The following EFCAB8 variants were observed in gnomAD, a reference collection of about 807,000 sequenced individuals.
EFCAB8 encodes EF-hand calcium binding domain 8, also known as EF-hand calcium-binding domain-containing protein 8.
EFCAB8 carries 100 observed loss-of-function variants against 116.3 expected under a neutral mutation model. That is an observed-to-expected ratio of 0.86 (90% confidence interval 0.73 to 1.02). The LOEUF (loss-of-function observed/expected upper bound fraction) is 1.02. EFCAB8 is among the 50% of genes least tolerant of loss of function. The pLI is 0.00. For synonymous variants in EFCAB8, 558 were observed against 567.9 expected (o/e 0.98, Z 0.25); for missense variants, 1,320 against 1,416.9 (o/e 0.93, Z 1.10).
intron 20 of EFCAB8, among the ~76,000 whole-genome samples, chr20:32,922,706 G>A (rs750508861): frequency 6.6e-6 from 1 of 152,148 alleles, no homozygotes; most frequent in Non-Finnish European, 1.5e-5. Flanking sequence ...TGAAGGAAGC[G>A]AGGAAACATG....
At position 32,918,531 on chromosome 20, in the gene EFCAB8, G is replaced by A. The variant is rs370655009; in HGVS notation, c.2231G>A (p.Arg744Gln). ...RSLVSAPPVM[R>Q]CPRDKEPDRP... ...CTGGTGTCGGCTCCCCCAGTGATGC[G>A]GTGCCCGAGAGACAAGGAGCCAGAC... is the stretch of plus-strand genomic sequence containing the variant. The change falls in exon 19 of 27, where the codon CGG becomes CAG. Residue 744 changes from arginine (R) to glutamine (Q), a missense_variant. Physicochemically the swap from Arg to Gln is conservative, Grantham distance 43. Coordinates refer to ENST00000400522, the MANE Select transcript of EFCAB8 (RefSeq NM_001143967.2). 3 of 1,551,672 alleles carry A rather than the reference G, an allele frequency of 1.9e-6. No individual in the cohort carries two copies. Among genetic ancestry groups the A allele is most frequent in the Admixed American group, 2.0e-5 (1 of 50,996 alleles).
At chr20:32,939,165 TTCTTTC>T (rs1387586340) in intron 22 of EFCAB8, among the ~76,000 whole-genome samples, 1 of 99,500 alleles carries the variant, frequency 1.0e-5, no homozygotes, top group African/African-American at 4.0e-5. Flanking sequence ...CTTTCTTTCT[TTCTTTC>T]TTTCTTTCTT....
chr20:32,925,544 G>T (rs1442670757), intron 20 of EFCAB8, among the ~76,000 whole-genome samples: 1 of 152,174 alleles, frequency 6.6e-6, no homozygotes, highest in Non-Finnish European at 1.5e-5. Flanking sequence ...GTGGAGACGG[G>T]GTTTTGCCAT....
At chr20:32,885,111 G>C (rs1985542507) in intron 5 of EFCAB8, among the ~76,000 whole-genome samples, 1 of 148,538 alleles carries the variant, frequency 6.7e-6, no homozygotes, top group Admixed American at 6.8e-5. Flanking sequence ...TCAGTTTTCA[G>C]CCTCAGGCTC....
At chr20:32,902,433 C>G (rs1385181791) in intron 11 of EFCAB8, among the ~76,000 whole-genome samples, 1 of 152,042 alleles carries the variant, frequency 6.6e-6, no homozygotes, top group East Asian at 1.9e-4. Flanking sequence ...GAGCAAGACC[C>G]TGTCTTCAAA....
intron 24 of EFCAB8, among the ~76,000 whole-genome samples, 164 bp downstream of exon 24, chr20:32,958,714 A>G (rs577882873): frequency 2.6e-4 from 39 of 152,292 alleles, no homozygotes; most frequent in African/African-American, 7.5e-4. Context: ...GCTCTACTCC[A>G]CAGTGGCAGC....
chr20:32,919,224 T>C (rs1416237336), intron 19 of EFCAB8, among the ~76,000 whole-genome samples: 1 of 152,180 alleles, frequency 6.6e-6, no homozygotes, highest in African/African-American at 2.4e-5. Flanking sequence ...GAGGAACCAG[T>C]GAGATTGTTC....
At position 32,889,306 on chromosome 20, in the gene EFCAB8, CCAGACCCAG is replaced by C; in HGVS notation, c.577_585del (p.Thr193_Gln195del). ...TCTGCTCTTCCTCTGGCCAGCTTAACCAGACCCAGCAGCTCTACAACCAGCCGATGTGGG... is the reference window on the plus strand; with the variant it reads ...TCTGCTCTTCCTCTGGCCAGCTTAACCAGCTCTACAACCAGCCGATGTGGG... On this transcript the variant is annotated inframe_deletion, in exon 7 of 27. Transcript: ENST00000400522. The C allele has an allele frequency of 6.4e-7, 1 of 1,551,648 alleles. No homozygotes were observed. The highest frequency in any genetic ancestry group is 8.7e-7 in the Non-Finnish European group (1 of 1,146,992).
At chr20:32,952,836 G>A (rs1477714296) in intron 23 of EFCAB8, among the ~76,000 whole-genome samples, 1 of 152,102 alleles carries the variant, frequency 6.6e-6, no homozygotes. Flanking sequence ...AAAATATATA[G>A]CATAAAACTT....
intron 1 of EFCAB8, among the ~76,000 whole-genome samples, chr20:32,863,075 T>A (rs922245493): frequency 6.6e-6 from 1 of 151,996 alleles, no homozygotes; most frequent in Non-Finnish European, 1.5e-5. Flanking sequence ...ACCCTTCAGA[T>A]CAAGCCAAGC....
chr20:32,883,545 G>A (rs1243944865), intron 5 of EFCAB8, among the ~76,000 whole-genome samples: 1 of 152,118 alleles, frequency 6.6e-6, no homozygotes, highest in African/African-American at 2.4e-5. Flanking sequence ...CAGTAGGAAG[G>A]GGAGACATTC....
At chr20:32,940,031 T>TCCTTCCTTCCTA (rs1988352464) in intron 22 of EFCAB8, among the ~76,000 whole-genome samples, 1 of 25,818 alleles carries the variant, frequency 3.9e-5, no homozygotes, top group South Asian at 1.1e-3. Flanking sequence ...CTCCCTTCCT[T>TCCTTCCTTCCTA]CCTTCCTTCC....
In EFCAB8 at chr20:32,863,823, C is replaced by T; in HGVS notation, c.31C>T (p.Gln11Ter). The change falls in exon 2 of 27, where the codon CAA (glutamine) becomes TAA (stop). Residue 11 changes from glutamine (Q) to a stop codon, truncating the protein, a stop_gained. Coordinates refer to ENST00000400522, the MANE Select transcript of EFCAB8 (RefSeq NM_001143967.2). LOFTEE classifies it high-confidence loss of function. MSSEDLAEIP[Q>*]LQKLSIPHGF... ...TTCTGAAGACTTAGCAGAGATCCCT[C>T]AACTCCAAAAGGTAAGAAAGACAAT... 1 of 1,551,404 alleles carries T rather than the reference C, an allele frequency of 6.4e-7. No homozygotes were observed. Among genetic ancestry groups the T allele is most frequent in the Non-Finnish European group, 8.7e-7 (1 of 1,146,858 alleles).
chr20:32,936,030 A>ATTTTTAT (rs1209602221), intron 22 of EFCAB8, among the ~76,000 whole-genome samples: 2 of 151,148 alleles, frequency 1.3e-5, no homozygotes, highest in African/African-American at 4.9e-5. Context: ...TTTTATTTTT[A>ATTTTTAT]TTTTTATTTT....
intron 16 of EFCAB8, among the ~76,000 whole-genome samples, chr20:32,912,371 G>A (rs1986971213): frequency 6.6e-6 from 1 of 150,910 alleles, no homozygotes; most frequent in Non-Finnish European, 1.5e-5. Context: ...GGTGGAGGCT[G>A]CAGTGAGCCG....
chr20:32,878,902 C>G, intron 5 of EFCAB8, 95 bp downstream of exon 5: 1 of 1,075,876 alleles, frequency 9.3e-7, no homozygotes, highest in African/African-American at 1.6e-5. Flanking sequence ...CGTGACCTTG[C>G]TGGTGCTGAC....
rs779654750 is a variant in EFCAB8 at position 32,939,125 on chromosome 20, C to CCCTTTCTTTCTTTCTTTCTT, written c.2791-4511_2791-4510insCCTTTCTTTCTTTCTTTCTT. 2.9e-3 allele frequency among the ~76,000 whole-genome samples: 166 copies of CCCTTTCTTTCTTTCTTTCTT among 56,568 alleles called. 27 individuals are homozygous for CCCTTTCTTTCTTTCTTTCTT. The highest frequency in any genetic ancestry group is 4.5e-3 in the Non-Finnish European group (125 of 27,772). The allele number at this position is 56,568 out of a possible 152,430, so 37.1% of individuals were successfully genotyped here. On this transcript the variant is annotated intron_variant, in intron 22 of 26. Transcript: ENST00000400522. Reference sequence around the variant, plus strand: ...CCTTCCTTTCTTTCTCTCTTTCTTTCTCTTTCTTTCTTTCTTTCTTTCTTT... The same window carrying CCCTTTCTTTCTTTCTTTCTT: ...CCTTCCTTTCTTTCTCTCTTTCTTTCCCTTTCTTTCTTTCTTTCTTTCTTTCTTTCTTTCTTTCTTTCTTT...
chr20:32,877,191 T>TTTTA (rs1568902965), intron 4 of EFCAB8, among the ~76,000 whole-genome samples: 26 of 146,996 alleles, frequency 1.8e-4, no homozygotes, highest in African/African-American at 3.7e-4. Context: ...ATTTTCTTGT[T>TTTTA]TTTATTTATT....
At chr20:32,934,131 A>T (rs1988015990) in intron 22 of EFCAB8, among the ~76,000 whole-genome samples, 1 of 151,688 alleles carries the variant, frequency 6.6e-6, no homozygotes, top group Non-Finnish European at 1.5e-5. Flanking sequence ...GGTGTGAGCC[A>T]CCGTGCCCAG....
Sources: gnomAD v4.1 joint callset for allele counts (sites outside exome capture counted in the v4.1 genomes callset) on GRCh38, gnomAD v4.1.1 for gene constraint, MANE v1.5 for transcripts, NCBI Gene and HGNC (gene_info 2026-07-23, HGNC 2026-07-21) for gene names.